The following STAB2 variants were observed in gnomAD, a reference collection of about 807,000 sequenced individuals.
STAB2 encodes stabilin 2, also known as stabilin-2.
Under a neutral mutation model 338.1 loss-of-function variants are expected in STAB2, and 288 were observed. The observed-to-expected ratio is 0.85, with a 90% CI of 0.77 to 0.94. The LOEUF (loss-of-function observed/expected upper bound fraction) is 0.94. Among genes scored for constraint, STAB2 ranks in the 40% least tolerant of loss-of-function variants. The pLI is 0.00. For synonymous variants in STAB2, 1,202 were observed against 1,193.3 expected (o/e 1.01, Z -0.15); for missense variants, 3,141 against 3,210.1 (o/e 0.98, Z 0.52).
At chr12:103,679,119 T>G (rs1420870629) in intron 25 of STAB2, among the ~76,000 whole-genome samples, 1 of 151,790 alleles carries the variant, frequency 6.6e-6, no homozygotes, top group Non-Finnish European at 1.5e-5. Flanking sequence ...CTTACACCTG[T>G]AATCCCAGCA....
At position 103,614,823 on chromosome 12, in the gene STAB2, G is replaced by A. The variant is rs555500015; in HGVS notation, c.332-5645G>A. Among the ~76,000 whole-genome samples the A allele has an allele frequency of 7.2e-5, 11 of 152,218 alleles. No homozygotes were observed. The East Asian group carries it at 1.2e-3, about 16-fold the overall frequency. On this transcript the variant is annotated intron_variant, in intron 3 of 68. Transcript: ENST00000388887. The stretch of plus-strand genomic sequence containing the variant: ...TTAGGACATTCTACATAAATTTGTC[G>A]AGCACACCCAGTGGTTCTCAAATAT...
chr12:103,683,016 T>C (rs1316358766), intron 25 of STAB2, among the ~76,000 whole-genome samples, 189 bp from the exon 26 acceptor site: 1 of 151,978 alleles, frequency 6.6e-6, no homozygotes, highest in African/African-American at 2.4e-5. Flanking sequence ...TATTGGAAAA[T>C]GTAATGTAGA....
chr12:103,592,847 C>T (rs889766422), intron 2 of STAB2, among the ~76,000 whole-genome samples: 2 of 152,186 alleles, frequency 1.3e-5, no homozygotes, highest in Non-Finnish European at 2.9e-5. Flanking sequence ...CCCATTTTCT[C>T]ATCCTTCCAA....
At chr12:103,613,679 ACTGCACCCACTGTC>A (rs960552087) in intron 3 of STAB2, among the ~76,000 whole-genome samples, 1 of 152,088 alleles carries the variant, frequency 6.6e-6, no homozygotes, top group African/African-American at 2.4e-5. Context: ...CACTAGGTGC[ACTGCACCCACTGTC>A]CTGCACCCAC....
At chr12:103,685,636 A>G (rs1877360702) in intron 27 of STAB2, among the ~76,000 whole-genome samples, 1 of 151,974 alleles carries the variant, frequency 6.6e-6, no homozygotes, top group African/African-American at 2.4e-5. Context: ...CTTGCCCAAC[A>G]CCCTTCAGCT....
intron 38 of STAB2, among the ~76,000 whole-genome samples, chr12:103,707,664 TGA>T (rs1405058681): frequency 1.3e-5 from 2 of 152,230 alleles, no homozygotes; most frequent in East Asian, 3.8e-4. Context: ...CACACAGCTG[TGA>T]GAGTGTTGAC....
At chr12:103,623,130 T>C (rs1359519181) in intron 5 of STAB2, among the ~76,000 whole-genome samples, 1 of 152,100 alleles carries the variant, frequency 6.6e-6, no homozygotes, top group Non-Finnish European at 1.5e-5. Context: ...GAGGAAGTAA[T>C]ATGGGGAAAA....
chr12:103,727,312 T>C lies in STAB2; in HGVS notation c.4897T>C (p.Phe1633Leu). The change falls in exon 47 of 69, where the codon TTT (phenylalanine) becomes CTT (leucine). Residue 1633 changes from phenylalanine to leucine, a missense_variant. Transcript: ENST00000388887. ...DLVGPGPFTV[F>L]APLSAAFDEE... ...GGTCGGCCCAGGCCCCTTCACTGTT[T>C]TTGCACCTTTATCTGCAGCCTTTGA... 2 of 1,614,260 alleles carry C rather than the reference T, an allele frequency of 1.2e-6. 1 individual carries two copies. Among genetic ancestry groups the C allele is most frequent in the South Asian group, 2.2e-5 (2 of 91,090 alleles).
At chr12:103,593,822 A>G (rs764895284) in intron 2 of STAB2, among the ~76,000 whole-genome samples, 1 of 152,226 alleles carries the variant, frequency 6.6e-6, no homozygotes, top group Admixed American at 6.5e-5. Context: ...TTTAACCTCC[A>G]TAGAATTGTT....
At chr12:103,679,350 A>G (rs758672114) in intron 25 of STAB2, among the ~76,000 whole-genome samples, 4 of 152,182 alleles carry the variant, frequency 2.6e-5, no homozygotes, top group African/African-American at 4.8e-5. Flanking sequence ...CCTGGGCAAC[A>G]AGAGCAAAAC....
intron 39 of STAB2, among the ~76,000 whole-genome samples, chr12:103,710,616 A>G (rs1879766150): frequency 6.6e-6 from 1 of 152,232 alleles, no homozygotes. Flanking sequence ...ATAAAACATG[A>G]TTGAAATGCC....
At chr12:103,747,749 C>T (rs150075360) in intron 58 of STAB2, among the ~76,000 whole-genome samples, 1 of 152,130 alleles carries the variant, frequency 6.6e-6, no homozygotes, top group Non-Finnish European at 1.5e-5. Context: ...AATTCTAGCA[C>T]TTTGGGAGGC....
rs114348011 is a variant in STAB2 at position 103,656,439 on chromosome 12, A to T, written c.1734+858A>T. Among the ~76,000 whole-genome samples, 377 of 152,296 alleles carry T rather than the reference A, an allele frequency of 2.5e-3. 3 individuals carry two copies. The highest frequency in any genetic ancestry group is 8.7e-3 in the African/African-American group (362 of 41,572). On this transcript the variant is annotated intron_variant, in intron 15 of 68. Transcript: ENST00000388887. Reference sequence around the variant, plus strand: ...ACAGAAACCATCCATGGAGCTTGCTAACTAGGCAGATTCCAAAGCCCTACC... The same window carrying T: ...ACAGAAACCATCCATGGAGCTTGCTTACTAGGCAGATTCCAAAGCCCTACC...
chr12:103,755,752 A>G, intron 63 of STAB2, 34 bp downstream of exon 63: 1 of 1,609,920 alleles, frequency 6.2e-7, no homozygotes, highest in Non-Finnish European at 8.5e-7. Flanking sequence ...TGCCTCAGGC[A>G]GGGAGGGGTT....
rs1001754982 is a variant in STAB2, at chr12:103,668,866, TAG to T, written c.2172+139_2172+140del. 2.0e-5 allele frequency: 14 copies of T among 713,722 alleles called. 1 individual carries two copies. In the African/African-American group the frequency reaches 2.3e-4, roughly 12 times the overall value. 44.2% of individuals were successfully genotyped at this position (713,722 alleles called of 1,614,324 possible). The stretch of plus-strand genomic sequence containing the variant: ...TGTCTTCCTGCAGAGGAATCAAAGG[TAG>T]ATTCTTCATATGGTGGCCAGACTCT... On this transcript the variant is annotated intron_variant, in intron 20 of 68. Coordinates refer to ENST00000388887, the MANE Select transcript of STAB2 (RefSeq NM_017564.10).
Position 103,708,457 on chromosome 12 carries a change from T to C in STAB2, c.4209T>C (p.His1403=). The change falls in exon 39 of 69, where the codon CAT becomes CAC. Residue 1403 remains histidine, a synonymous_variant. Transcript: ENST00000388887. ...IHCDQACSCV[H]GRCNQGPLGD... ...CCCACTTAGCATGTTCTTGTGTCCA[T>C]GGGAGATGCAACCAAGGACCCTTGG... The C allele has an allele frequency of 6.2e-7, 1 of 1,614,146 alleles. No individual in the cohort carries two copies. The highest frequency in any genetic ancestry group is 1.3e-5 in the African/African-American group (1 of 75,070).
intron 34 of STAB2, 96 bp downstream of exon 34, chr12:103,699,323 C>T: frequency 6.9e-7 from 1 of 1,457,896 alleles, no homozygotes; most frequent in Non-Finnish European, 9.3e-7. Flanking sequence ...CATCCTTCAT[C>T]ACTTCTGTAT....
At chr12:103,690,219 A>C (rs1323399451) in intron 29 of STAB2, among the ~76,000 whole-genome samples, 4 of 152,204 alleles carry the variant, frequency 2.6e-5, no homozygotes, top group African/African-American at 9.7e-5. Flanking sequence ...CCTATGATAG[A>C]TATTGTAATG....
intron 54 of STAB2, 58 bp downstream of exon 54, chr12:103,739,526 CCT>C (rs1491366502): frequency 2.2e-5 from 23 of 1,028,554 alleles, no homozygotes; most frequent in South Asian, 2.2e-4. Flanking sequence ...CATTATCAGA[CCT>C]GTGTGTGTGT....
Sources: gnomAD v4.1 joint callset for allele counts (sites outside exome capture counted in the v4.1 genomes callset) on GRCh38, gnomAD v4.1.1 for gene constraint, MANE v1.5 for transcripts, NCBI Gene and HGNC (gene_info 2026-07-23, HGNC 2026-07-21) for gene names.